Variants in DAZAP2 observed in about 807,000 individuals in gnomAD.
DAZAP2 encodes the protein DAZ associated protein 2.
A neutral mutation model predicts 16.2 loss-of-function variants in DAZAP2; 3 were observed. The observed-to-expected ratio is 0.19, with a 90% confidence interval of 0.08 to 0.48. DAZAP2 has a LOEUF of 0.48. Among genes scored for constraint, DAZAP2 ranks in the 20% least tolerant of loss-of-function variants. DAZAP2 has a pLI of 0.98. For missense variants in DAZAP2, 172 were observed against 215.9 expected (o/e 0.80, Z 1.27); for synonymous variants, 69 against 77.6 (o/e 0.89, Z 0.58).
intron 3 of DAZAP2, among the ~76,000 whole-genome samples, chr12:51,241,940 AAAAATT>A (rs1012838638): frequency 6.6e-6 from 1 of 152,036 alleles, no homozygotes; most frequent in African/African-American, 2.4e-5. Context: ...TAAAAAAAAA[AAAAATT>A]AAAAATTAAA....
intron 2 of DAZAP2, 107 bp downstream of exon 2, chr12:51,240,568 A>G (rs1944657234): frequency 3.7e-6 from 4 of 1,095,270 alleles, no homozygotes; most frequent in Non-Finnish European, 2.7e-6. Flanking sequence ...AAATGCTAAC[A>G]TGAATAATCT....
chr12:51,246,642 TATAAC>T, downstream of DAZAP2: 3 of 428,360 alleles, frequency 7.0e-6, no homozygotes, highest in East Asian at 1.6e-4. Flanking sequence ...GTGTGTGTAA[TATAAC>T]TTACAAGCCA....
downstream of DAZAP2, chr12:51,245,277 G>A (rs544206965): frequency 6.6e-6 from 1 of 152,412 alleles, no homozygotes; most frequent in East Asian, 1.9e-4. Flanking sequence ...CGTTAAATAG[G>A]GAAAAGAAAA....
rs79990195 is a variant in DAZAP2, at chr12:51,243,140, A to G, written c.*682A>G. Reference sequence around the variant, plus strand: ...CAGATGCCATTACTTCTGCTTTCGTATCTCCTCAGGCAAAAGTGGAGGGTG... The same window carrying G: ...CAGATGCCATTACTTCTGCTTTCGTGTCTCCTCAGGCAAAAGTGGAGGGTG... On this transcript the variant is annotated 3_prime_UTR_variant, in exon 4 of 4. Coordinates refer to ENST00000412716, the MANE Select transcript of DAZAP2 (RefSeq NM_014764.4). 4,256 of 986,036 alleles carry G rather than the reference A, an allele frequency of 4.3e-3. 160 individuals carry two copies. In the African/African-American group the frequency reaches 0.069, roughly 16 times the overall value. The allele number at this position is 986,036 out of a possible 1,614,324, so 61.1% of individuals were successfully genotyped here.
At chr12:51,241,369 C>T (rs1382560860) in intron 3 of DAZAP2, among the ~76,000 whole-genome samples, 3 of 152,082 alleles carry the variant, frequency 2.0e-5, no homozygotes, top group Non-Finnish European at 2.9e-5. Flanking sequence ...TTTTCCAGTT[C>T]ATTGTGGTAC....
At chr12:51,239,121 C>A in intron 1 of DAZAP2, 1 of 722,746 alleles carries the variant, frequency 1.4e-6, no homozygotes, top group Non-Finnish European at 2.2e-6. Flanking sequence ...CCCTTTCCTC[C>A]GTAAACTCTG....
chr12:51,240,801 A>G, intron 2 of DAZAP2, 70 bp from the exon 3 acceptor site: 1 of 1,559,440 alleles, frequency 6.4e-7, no homozygotes, highest in Non-Finnish European at 8.7e-7. Flanking sequence ...ATTAAGAATT[A>G]GCTCATTAAA....
At chr12:51,241,939 A>T (rs898336331) in intron 3 of DAZAP2, among the ~76,000 whole-genome samples, 4 of 152,192 alleles carry the variant, frequency 2.6e-5, no homozygotes, top group Middle Eastern at 3.4e-3. Context: ...TTAAAAAAAA[A>T]AAAAATTAAA....
At chr12:51,239,058 C>T in intron 1 of DAZAP2, 138 bp downstream of exon 1, 3 of 1,238,222 alleles carry the variant, frequency 2.4e-6, no homozygotes, top group Non-Finnish European at 3.3e-6. Context: ...GTCCAGGGCG[C>T]TGCGCCTGAC....
Position 51,243,081 on chromosome 12 carries a change from A to G in DAZAP2, c.*623A>G, listed in dbSNP as rs1296734389. On this transcript the variant is annotated 3_prime_UTR_variant, in exon 4 of 4. Transcript: ENST00000412716. ...GTCATCTTTTAACTAGTGTTTCACAAGGATCCTCTGAAACCCTCTCTGTGC... is the reference window on the plus strand; with the variant it reads ...GTCATCTTTTAACTAGTGTTTCACAGGGATCCTCTGAAACCCTCTCTGTGC... 12 of 990,318 alleles carry G rather than the reference A, an allele frequency of 1.2e-5. No individual in the cohort carries two copies. The highest frequency in any genetic ancestry group is 4.5e-5 in the South Asian group (1 of 22,000). The allele number at this position is 990,318 out of a possible 1,614,324, so 61.3% of individuals were successfully genotyped here. A position where few individuals can be genotyped will look rare whatever the true frequency, so the allele number is the denominator to read the frequency against.
chr12:51,242,928 C>T lies in DAZAP2; in HGVS notation c.*470C>T. ...GTTGTCTGCCTTTTCCTTTCCATCC[C>T]TTGCCCCACCCATCCCATCTCCAAC... On this transcript the variant is annotated 3_prime_UTR_variant, in exon 4 of 4. Coordinates refer to ENST00000412716, the MANE Select transcript of DAZAP2 (RefSeq NM_014764.4). 1 of 1,122,114 alleles carries T rather than the reference C, an allele frequency of 8.9e-7. No individual in the cohort carries two copies. Among genetic ancestry groups the T allele is most frequent in the Non-Finnish European group, 1.1e-6 (1 of 916,914 alleles). The allele number at this position is 1,122,114 out of a possible 1,614,324, so 69.5% of individuals were successfully genotyped here.
Position 51,242,335 on chromosome 12 carries a change from ACCT to A in DAZAP2, c.388_390del (p.Pro130del). 1 of 1,590,636 alleles carries A rather than the reference ACCT, an allele frequency of 6.3e-7. No individual in the cohort carries two copies. The stretch of plus-strand genomic sequence containing the variant: ...ATCATGTCATTTCCTTTCAGCCTCC[ACCT>A]CCTGGATGCCCTCCCAATGCTGCTC... On this transcript the variant is annotated inframe_deletion, in exon 4 of 4. Transcript: ENST00000412716.
At chr12:51,239,038 GC>G in intron 1 of DAZAP2, 118 bp downstream of exon 1, 9 of 1,443,506 alleles carry the variant, frequency 6.2e-6, no homozygotes, top group Non-Finnish European at 8.4e-6. Context: ...ATGCTCCTTG[GC>G]CGGCTGCAGT....
chr12:51,244,111 T>C (rs1044640196), downstream of DAZAP2, among the ~76,000 whole-genome samples: 4 of 152,248 alleles, frequency 2.6e-5, no homozygotes, highest in Admixed American at 6.5e-5. Context: ...TTTGTATACG[T>C]TGAGGATGAC....
In DAZAP2 at chr12:51,242,012, T is replaced by C. The variant is rs542300511; in HGVS notation, c.379-318T>C. Among the ~76,000 whole-genome samples, 9 of 152,252 alleles carry C rather than the reference T, an allele frequency of 5.9e-5. No individual in the cohort carries two copies. The South Asian group carries it at 1.2e-3, about 21-fold the overall frequency. ...ATGGACTGGCACCCTGTCCCTGTTT[T>C]GGGAATGTGAGTAGGACAGTGGTTC... is the stretch of plus-strand genomic sequence containing the variant. On this transcript the variant is annotated intron_variant, in intron 3 of 3. Transcript: ENST00000412716.
downstream of DAZAP2, chr12:51,245,335 G>A (rs769948728): frequency 3.3e-5 from 5 of 152,646 alleles, no homozygotes; most frequent in African/African-American, 1.2e-4. Context: ...GTTACTTCTT[G>A]CACATGAGAA....
At chr12:51,244,016 G>T (rs942125583), downstream of DAZAP2, 11 of 720,620 alleles carry the variant, frequency 1.5e-5, no homozygotes, top group Admixed American at 1.3e-4. Flanking sequence ...TTGGAATTTC[G>T]GACCTAAACT....
downstream of DAZAP2, chr12:51,245,167 C>T (rs919627809): frequency 6.6e-6 from 1 of 152,144 alleles, no homozygotes; most frequent in Admixed American, 6.6e-5. Flanking sequence ...CTGGAACAAG[C>T]TTTCCTGCAC....
chr12:51,240,300 GCT>G (rs1366526126), intron 1 of DAZAP2, 41 bp from the exon 2 acceptor site: 1 of 1,521,846 alleles, frequency 6.6e-7, no homozygotes, highest in Admixed American at 1.7e-5. Context: ...CATTTTGGTA[GCT>G]CTGTGTAGTA....
Sources: gnomAD v4.1 joint callset for allele counts (sites outside exome capture counted in the v4.1 genomes callset) on GRCh38, gnomAD v4.1.1 for gene constraint, MANE v1.5 for transcripts, NCBI Gene and HGNC (gene_info 2026-07-23, HGNC 2026-07-21) for gene names.